NAALADL2: variants seen among roughly 807,000 people sequenced by gnomAD.
NAALADL2 encodes the protein inactive N-acetylated-alpha-linked acidic dipeptidase-like protein 2.
Under a neutral mutation model 87.2 loss-of-function variants are expected in NAALADL2, and 76 were observed. The ratio of observed to expected loss-of-function variants is 0.87; its 90% confidence interval spans 0.72 to 1.05. The LOEUF is 1.05. NAALADL2 is among the 50% of genes least tolerant of loss of function. The pLI is 0.00. For synonymous variants in NAALADL2, 354 were observed against 331.0 expected (o/e 1.07, Z -0.75); for missense variants, 1,089 against 945.8 (o/e 1.15, Z -1.99).
intron 1 of NAALADL2, among the ~76,000 whole-genome samples, chr3:174,537,371 G>C (rs1221860647): frequency 6.6e-6 from 1 of 152,110 alleles, no homozygotes; most frequent in Non-Finnish European, 1.5e-5. Context: ...TGATTATTTA[G>C]CTTGCTACCG....
At chr3:175,053,645 T>A (rs1315079335) in intron 1 of NAALADL2, among the ~76,000 whole-genome samples, 2 of 152,352 alleles carry the variant, frequency 1.3e-5, no homozygotes, top group East Asian at 3.9e-4. Flanking sequence ...CCTAACTTTC[T>A]GTTATACAAA....
chr3:174,757,333 TG>T (rs1374940084), intron 3 of NAALADL2, among the ~76,000 whole-genome samples: 1 of 151,826 alleles, frequency 6.6e-6, no homozygotes, highest in Non-Finnish European at 1.5e-5. Context: ...TGAGCAAGGC[TG>T]GGGCATAATT....
At chr3:174,449,791 T>C (rs1416431732) in intron 1 of NAALADL2, among the ~76,000 whole-genome samples, 21 of 152,206 alleles carry the variant, frequency 1.4e-4, no homozygotes, top group Admixed American at 1.4e-3. Flanking sequence ...TCATAGCCAC[T>C]TTTTCATTAG....
At chr3:175,698,473 G>GTATATATTTTTATA (rs1315132432) in intron 11 of NAALADL2, among the ~76,000 whole-genome samples, 2 of 82,050 alleles carry the variant, frequency 2.4e-5, no homozygotes, top group African/African-American at 1.9e-4. Flanking sequence ...ATATATGTGT[G>GTATATATTTTTATA]TATATATATT....
chr3:175,323,373 G>A (rs1760194124), intron 4 of NAALADL2, among the ~76,000 whole-genome samples: 1 of 148,246 alleles, frequency 6.7e-6, no homozygotes, highest in Non-Finnish European at 1.5e-5. Context: ...AGCATTGGGA[G>A]ATATATCTAA....
intron 11 of NAALADL2, among the ~76,000 whole-genome samples, chr3:175,714,793 A>G (rs1194504859): frequency 6.6e-6 from 1 of 152,112 alleles, no homozygotes. Context: ...TTTAGTCCCT[A>G]TTTAATCAAT....
chr3:175,221,129 G>T (rs1214904472), intron 2 of NAALADL2, among the ~76,000 whole-genome samples: 1 of 151,122 alleles, frequency 6.6e-6, no homozygotes, highest in African/African-American at 2.4e-5. Flanking sequence ...AACCCAGGAG[G>T]CAGAGGTTGC....
chr3:174,874,988 C>T (rs1257241746), intron 1 of NAALADL2, among the ~76,000 whole-genome samples: 2 of 151,692 alleles, frequency 1.3e-5, no homozygotes, highest in African/African-American at 4.8e-5. Flanking sequence ...GTGGCATGCA[C>T]CCATAGTCCC....
At chr3:174,879,405 A>G (rs73043528) in intron 1 of NAALADL2, among the ~76,000 whole-genome samples, 5 of 152,202 alleles carry the variant, frequency 3.3e-5, no homozygotes, top group East Asian at 3.9e-4. Context: ...TTTATGTTCA[A>G]TGACTTTGTC....
rs181698590 is a variant in NAALADL2 at position 175,734,772 on chromosome 3, C to A, written c.1897-2534C>A. On this transcript the variant is annotated intron_variant, in intron 11 of 13. Transcript: ENST00000454872. ...CCCAAGACTGCACACAGCAGAGGGA[C>A]CCTGGGCCTGGCCCATGAAACTATT... Among the ~76,000 whole-genome samples, 11 of 152,264 alleles carry A rather than the reference C, an allele frequency of 7.2e-5. No individual in the cohort carries two copies. In the East Asian group the frequency reaches 1.9e-3, roughly 27 times the overall value.
At chr3:175,761,818 A>C (rs1748052821) in intron 13 of NAALADL2, among the ~76,000 whole-genome samples, 1 of 152,072 alleles carries the variant, frequency 6.6e-6, no homozygotes, top group Admixed American at 6.6e-5. Context: ...ATATCTGTTC[A>C]GCTCTTTCGC....
chr3:174,701,795 T>C (rs2108884408), intron 2 of NAALADL2, among the ~76,000 whole-genome samples: 1 of 152,270 alleles, frequency 6.6e-6, no homozygotes, highest in Admixed American at 6.6e-5. Flanking sequence ...TATTGTTGAG[T>C]AGTGTTCCAT....
chr3:175,430,127 CAG>C lies in NAALADL2; in HGVS notation c.1091-17101_1091-17100del, dbSNP rs796303980. On this transcript the variant is annotated intron_variant, in intron 5 of 13. Transcript: ENST00000454872. ...TTCCCTGCCATCCTCCAAAGAGAAA[CAG>C]TGATTATTATTCTGTGGATCCTTTC... Among the ~76,000 whole-genome samples, 8 of 151,832 alleles carry C rather than the reference CAG, an allele frequency of 5.3e-5. 1 individual carries two copies. Among genetic ancestry groups the C allele is most frequent in the African/African-American group, 1.7e-4 (7 of 41,472 alleles).
intron 8 of NAALADL2, 51 bp from the exon 9 acceptor site, chr3:175,471,588 G>A (rs1277406255): frequency 9.8e-6 from 10 of 1,017,410 alleles, no homozygotes; most frequent in Non-Finnish European, 1.5e-5. Flanking sequence ...TAATAAAGTA[G>A]AATCTATTTA....
At chr3:174,823,447 A>G (rs956378725) in intron 3 of NAALADL2, among the ~76,000 whole-genome samples, 7 of 152,166 alleles carry the variant, frequency 4.6e-5, no homozygotes, top group Non-Finnish European at 7.4e-5. Context: ...ACAAAAGACC[A>G]CTGGACCCAA....
At chr3:174,761,559 G>A (rs1471621284) in intron 3 of NAALADL2, among the ~76,000 whole-genome samples, 1 of 152,090 alleles carries the variant, frequency 6.6e-6, no homozygotes. Context: ...CTAACCAAGA[G>A]AGTATAAAGG....
intron 13 of NAALADL2, chr3:175,776,418 TC>T (rs1750251135): frequency 6.6e-6 from 1 of 152,176 alleles, no homozygotes; most frequent in Non-Finnish European, 1.5e-5. Flanking sequence ...CAACTGCCAT[TC>T]AGAAAACAGA....
intron 2 of NAALADL2, among the ~76,000 whole-genome samples, chr3:175,131,797 C>T (rs375698973): frequency 0.51 from 66,378 of 130,294 alleles, 17,068 homozygotes; most frequent in African/African-American, 0.62. Flanking sequence ...CCCTCCCGGA[C>T]GGGGGGCCTG....
intron 9 of NAALADL2, among the ~76,000 whole-genome samples, chr3:175,533,009 G>A (rs1489923716): frequency 3.3e-5 from 5 of 152,164 alleles, no homozygotes; most frequent in African/African-American, 4.8e-5. Context: ...TAAACCAAAG[G>A]GAGATCAGGC....
Sources: gnomAD v4.1 joint callset for allele counts (sites outside exome capture counted in the v4.1 genomes callset) on GRCh38, gnomAD v4.1.1 for gene constraint, MANE v1.5 for transcripts, NCBI Gene and HGNC (gene_info 2026-07-23, HGNC 2026-07-21) for gene names.